The following YARS1 variants were observed in gnomAD, a reference collection of about 807,000 sequenced individuals.
YARS1 encodes the protein tyrosyl-tRNA synthetase 1.
In YARS1, 36 loss-of-function variants were observed where a neutral mutation model predicts 62.2. The observed-to-expected ratio is 0.58, with a 90% CI of 0.44 to 0.76. YARS1 has a LOEUF of 0.76. Ranked by LOEUF, YARS1 falls within the 30% of genes least tolerant of loss-of-function variation. The pLI is 0.00. For synonymous variants in YARS1, 234 were observed against 244.9 expected (o/e 0.96, Z 0.42); for missense variants, 524 against 639.8 (o/e 0.82, Z 1.95).
At chr1:32,805,822 G>T (rs1381636826) in intron 4 of YARS1, among the ~76,000 whole-genome samples, 6 of 152,118 alleles carry the variant, frequency 3.9e-5, no homozygotes, top group African/African-American at 1.4e-4. Context: ...AATCAGCCGG[G>T]CATGGTGGCA....
chr1:32,801,161 A>G (rs943392345), intron 4 of YARS1, among the ~76,000 whole-genome samples: 1 of 152,202 alleles, frequency 6.6e-6, no homozygotes, highest in Non-Finnish European at 1.5e-5. Context: ...GCGGGGAAGG[A>G]AGACGAGAGA....
chr1:32,803,881 C>A (rs573518212), intron 4 of YARS1, among the ~76,000 whole-genome samples: 108 of 152,092 alleles, frequency 7.1e-4, no homozygotes, highest in Middle Eastern at 3.4e-3. Flanking sequence ...GGCAGAGGAC[C>A]CTGCGGCCTT....
At chr1:32,803,784 G>C (rs980672968) in intron 4 of YARS1, among the ~76,000 whole-genome samples, 2 of 151,688 alleles carry the variant, frequency 1.3e-5, no homozygotes. Context: ...GGTGTTTCTC[G>C]GAGAGGGGGA....
chr1:32,790,706 C>G (rs1211024581), intron 6 of YARS1: 4 of 168,800 alleles, frequency 2.4e-5, no homozygotes, highest in Non-Finnish European at 5.1e-5. Context: ...AGAACTCAAC[C>G]TTTCACATCT....
At chr1:32,805,666 A>G (rs1638445835) in intron 4 of YARS1, among the ~76,000 whole-genome samples, 1 of 151,500 alleles carries the variant, frequency 6.6e-6, no homozygotes, top group East Asian at 1.9e-4. Flanking sequence ...GTAGATTTAA[A>G]GTGACAGATG....
At chr1:32,782,211 G>A in intron 9 of YARS1, 193 bp downstream of exon 9, 1 of 811,310 alleles carries the variant, frequency 1.2e-6, no homozygotes, top group Non-Finnish European at 1.9e-6. Context: ...AAAAGGATGT[G>A]ATCACTTCCT....
chr1:32,800,871 C>A lies in YARS1; in HGVS notation c.511-3028G>T, dbSNP rs145372149. On this transcript the variant is annotated intron_variant, in intron 4 of 12. Transcript: ENST00000373477. Reference sequence around the variant, plus strand: ...TACAGGCGTAAGCCACTGCACCCGCCTGGTTTGTATTTTTCTACCCTTCTC... The same window carrying A: ...TACAGGCGTAAGCCACTGCACCCGCATGGTTTGTATTTTTCTACCCTTCTC... Among the ~76,000 whole-genome samples the A allele has an allele frequency of 1.7e-3, 256 of 152,310 alleles. 2 individuals are homozygous for A. Among genetic ancestry groups the A allele is most frequent in the African/African-American group, 5.9e-3 (247 of 41,568 alleles).
rs553432450 is a variant in YARS1, at chr1:32,812,776, C to T, written c.58-1719G>A. 7.4e-4 allele frequency among the ~76,000 whole-genome samples: 112 copies of T among 152,206 alleles called. 1 individual carries two copies. Among genetic ancestry groups the T allele is most frequent in the African/African-American group, 2.6e-3 (108 of 41,516 alleles). ...TCATCAGATCAGGGGTCGAGACCAG[C>T]CTGGCCAACATGGTGAAACCATCTC... On this transcript the variant is annotated intron_variant, in intron 1 of 12. Transcript: ENST00000373477.
At chr1:32,803,286 CTTTTTTT>C (rs60704395) in intron 4 of YARS1, among the ~76,000 whole-genome samples, 3 of 134,970 alleles carry the variant, frequency 2.2e-5, no homozygotes, top group African/African-American at 5.6e-5. Flanking sequence ...CCTAATTCTT[CTTTTTTT>C]TTTTTTTTTT....
chr1:32,810,846 CTTG>C, intron 2 of YARS1, 62 bp downstream of exon 2: 1 of 1,614,052 alleles, frequency 6.2e-7, no homozygotes, highest in Non-Finnish European at 8.5e-7. Context: ...CCACCCTGTC[CTTG>C]TTAAGTCTCT....
chr1:32,776,514 A>G lies in YARS1; in HGVS notation c.1477-423T>C, dbSNP rs752750075. 1.3e-5 allele frequency among the ~76,000 whole-genome samples: 2 copies of G among 152,228 alleles called. No homozygotes were observed. Among genetic ancestry groups the G allele is most frequent in the Admixed American group, 1.3e-4 (2 of 15,286 alleles). On this transcript the variant is annotated intron_variant, in intron 12 of 12. Transcript: ENST00000373477. The surrounding 1 kb of genome is among the most constrained non-coding windows in gnomAD (Gnocchi z 4.0). ...CAGCTTTTCTAAGAAATGTTTGTCA[A>G]AAGCTTTCACATTCATCTTTTGACT...
At chr1:32,809,212 G>A (rs1183592649) in intron 3 of YARS1, among the ~76,000 whole-genome samples, 2 of 151,782 alleles carry the variant, frequency 1.3e-5, no homozygotes, top group Non-Finnish European at 2.9e-5. Flanking sequence ...TCAGCCTCCC[G>A]AGTAGCCGTG....
intron 3 of YARS1, among the ~76,000 whole-genome samples, chr1:32,808,076 T>G (rs1354622947): frequency 6.6e-6 from 1 of 152,008 alleles, no homozygotes; most frequent in Non-Finnish European, 1.5e-5. Context: ...TAGCTAATTT[T>G]TTTGATTTTT....
chr1:32,801,987 G>A (rs1638313738), intron 4 of YARS1, among the ~76,000 whole-genome samples: 1 of 123,372 alleles, frequency 8.1e-6, no homozygotes, highest in African/African-American at 3.1e-5. Context: ...TCGCTCTGTC[G>A]CCCAGGCTGG....
intron 3 of YARS1, among the ~76,000 whole-genome samples, chr1:32,807,956 T>C (rs1638500229): frequency 6.6e-6 from 1 of 151,912 alleles, no homozygotes; most frequent in Non-Finnish European, 1.5e-5. Flanking sequence ...GTTGCCCAGG[T>C]TGCAGTATAA....
At chr1:32,779,162 G>A (rs1652973699) in intron 12 of YARS1, among the ~76,000 whole-genome samples, 2 of 152,174 alleles carry the variant, frequency 1.3e-5, no homozygotes, top group African/African-American at 4.8e-5. Flanking sequence ...CCCTGACACA[G>A]GGCCTCAAAT....
At chr1:32,807,202 C>T (rs1258145699) in intron 3 of YARS1, among the ~76,000 whole-genome samples, 1 of 152,204 alleles carries the variant, frequency 6.6e-6, no homozygotes, top group African/African-American at 2.4e-5. Context: ...CCTTTAAAAA[C>T]ACTATGGTAA....
At chr1:32,789,482 T>C (rs868358698) in intron 6 of YARS1, among the ~76,000 whole-genome samples, 1 of 152,190 alleles carries the variant, frequency 6.6e-6, no homozygotes, top group African/African-American at 2.4e-5. Context: ...GTCATTTGAG[T>C]TCAGTGGTTA....
intron 4 of YARS1, chr1:32,798,045 T>A (rs1423554812): frequency 3.7e-6 from 2 of 533,662 alleles, no homozygotes; most frequent in Non-Finnish European, 6.8e-6. Flanking sequence ...TAATTTTTTG[T>A]ATTTTTAGTA....
Sources: allele counts gnomAD v4.1 joint callset (sites outside exome capture counted in the v4.1 genomes callset), GRCh38; gene constraint gnomAD v4.1.1; non-coding constraint Gnocchi (gnomAD v3.1); transcripts MANE v1.5; gene names NCBI Gene and HGNC (gene_info 2026-07-23, HGNC 2026-07-21).